The following HIVEP2 variants were observed in gnomAD, a reference collection of about 807,000 sequenced individuals.
HIVEP2 encodes transcription factor HIVEP2.
In HIVEP2, 14 loss-of-function variants were observed where a neutral mutation model predicts 180.7. That is an observed-to-expected ratio of 0.08 (90% CI 0.05 to 0.12). The LOEUF is 0.12. Ranked by LOEUF, HIVEP2 falls within the 10% of genes least tolerant of loss-of-function variation. The probability of loss-of-function intolerance (pLI) is 1.00; values close to 1 mark genes in which losing one functional copy is unlikely to be tolerated. For missense variants in HIVEP2, 2,579 were observed against 3,008.5 expected, an observed-to-expected ratio of 0.86 and a Z score of 3.34; for synonymous variants, 1,184 against 1,136.4, an observed-to-expected ratio of 1.04 and a Z score of -0.84.
intron 9 of HIVEP2, 42 bp downstream of exon 9, chr6:142,759,730 G>A (rs1406216994): frequency 1.3e-6 from 2 of 1,495,204 alleles, no homozygotes; most frequent in African/African-American, 2.8e-5. Flanking sequence ...GGACCAATGT[G>A]CTTCCACTTA....
intron 2 of HIVEP2, among the ~76,000 whole-genome samples, chr6:142,820,076 G>A (rs1183856871): frequency 6.6e-6 from 1 of 152,090 alleles, no homozygotes; most frequent in African/African-American, 2.4e-5. Context: ...ATTTCCTGTG[G>A]GGAACATACA....
At chr6:142,831,712 G>A (rs1775087066) in intron 2 of HIVEP2, among the ~76,000 whole-genome samples, 1 of 152,196 alleles carries the variant, frequency 6.6e-6, no homozygotes, top group African/African-American at 2.4e-5. Flanking sequence ...GTTCTGCTGT[G>A]TGGGGAAGGG....
At chr6:142,830,065 G>A (rs1775035071) in intron 2 of HIVEP2, among the ~76,000 whole-genome samples, 1 of 152,160 alleles carries the variant, frequency 6.6e-6, no homozygotes, top group African/African-American at 2.4e-5. Flanking sequence ...AGTGGATGGG[G>A]ATGGGAAAGA....
At chr6:142,881,595 G>A (rs1004245788) in intron 1 of HIVEP2, among the ~76,000 whole-genome samples, 1 of 152,140 alleles carries the variant, frequency 6.6e-6, no homozygotes, top group Non-Finnish European at 1.5e-5. Context: ...TCTGTCATCT[G>A]TATTCGAAAA....
chr6:142,903,219 A>G (rs1487091629), intron 1 of HIVEP2, among the ~76,000 whole-genome samples: 2 of 152,230 alleles, frequency 1.3e-5, no homozygotes, highest in Non-Finnish European at 2.9e-5. Flanking sequence ...GTGAAAATAA[A>G]ATGTTTTCTG....
intron 1 of HIVEP2, among the ~76,000 whole-genome samples, chr6:142,888,485 T>C (rs898352331): frequency 1.3e-5 from 2 of 152,230 alleles, no homozygotes; most frequent in African/African-American, 2.4e-5. Flanking sequence ...CCTCATTGTT[T>C]AATAGTGACA....
intron 2 of HIVEP2, among the ~76,000 whole-genome samples, chr6:142,813,337 A>C (rs545537065): frequency 1.4e-4 from 22 of 152,144 alleles, no homozygotes; most frequent in Non-Finnish European, 3.1e-4. Context: ...GTTTCTGACT[A>C]TCTTTTGTTT....
intron 1 of HIVEP2, among the ~76,000 whole-genome samples, chr6:142,847,566 G>A (rs1582909698): frequency 6.6e-6 from 1 of 152,066 alleles, no homozygotes; most frequent in South Asian, 2.1e-4. Flanking sequence ...GCAGGACTTC[G>A]GTGCCTGATG....
At chr6:142,810,693 T>C (rs1223157614) in intron 2 of HIVEP2, among the ~76,000 whole-genome samples, 1 of 139,448 alleles carries the variant, frequency 7.2e-6, no homozygotes, top group Non-Finnish European at 1.5e-5. Context: ...ACCCGGAAGG[T>C]GGAGGTTGCA....
At chr6:142,884,327 A>T (rs11155267) in intron 1 of HIVEP2, among the ~76,000 whole-genome samples, 26,228 of 152,058 alleles carry the variant, frequency 0.17, 2,772 homozygotes, top group East Asian at 0.41. Context: ...AAGGAATAAA[A>T]CTTGGTAAGC....
At position 142,773,734 on chromosome 6, in the gene HIVEP2, A is replaced by T. The variant is rs982786003; in HGVS notation, c.1005T>A (p.Ile335=). 6.2e-7 allele frequency: 1 copy of T among 1,613,938 alleles called. No individual in the cohort carries two copies. Among genetic ancestry groups the T allele is most frequent in the Non-Finnish European group, 8.5e-7 (1 of 1,179,990 alleles). ...VPILIIPKSG[I]PLPNESSQYI... ...ACTGAGAGCTTTCATTAGGGAGAGG[A>T]ATCCCACTTTTAGGGATAATCAAAA... The change falls in exon 5 of 10, where the codon ATT becomes ATA. Residue 335 remains isoleucine, a synonymous_variant. Coordinates refer to ENST00000367603, the MANE Select transcript of HIVEP2 (RefSeq NM_006734.4).
At chr6:142,907,308 C>T (rs779773605) in intron 1 of HIVEP2, among the ~76,000 whole-genome samples, 13 of 152,134 alleles carry the variant, frequency 8.5e-5, no homozygotes, top group South Asian at 2.1e-4. Flanking sequence ...AACCACCTGA[C>T]GAAAACCAAA....
intron 1 of HIVEP2, among the ~76,000 whole-genome samples, chr6:142,917,820 G>A (rs963224832): frequency 1.9e-4 from 29 of 151,932 alleles, no homozygotes; most frequent in African/African-American, 7.0e-4. Context: ...CTGTTGCCCA[G>A]GCTACAGCGC....
chr6:142,756,386 C>A (rs545166374), intron 9 of HIVEP2, among the ~76,000 whole-genome samples: 2 of 152,214 alleles, frequency 1.3e-5, no homozygotes, highest in Admixed American at 1.3e-4. Context: ...GCTGACATGC[C>A]AGCAGGAGGC....
chr6:142,797,550 C>T (rs1018938366), intron 2 of HIVEP2, among the ~76,000 whole-genome samples: 2 of 152,062 alleles, frequency 1.3e-5, no homozygotes, highest in East Asian at 1.9e-4. Flanking sequence ...GTGCTTGGGG[C>T]GCCCAGATAG....
At chr6:142,797,812 G>A (rs894002571) in intron 2 of HIVEP2, among the ~76,000 whole-genome samples, 1 of 152,032 alleles carries the variant, frequency 6.6e-6, no homozygotes, top group Admixed American at 6.6e-5. Flanking sequence ...ATGCACAGAA[G>A]AAATCATAGT....
intron 1 of HIVEP2, among the ~76,000 whole-genome samples, chr6:142,850,377 G>A (rs982442731): frequency 6.6e-6 from 1 of 152,110 alleles, no homozygotes; most frequent in Non-Finnish European, 1.5e-5. Context: ...TAATGATTTG[G>A]GGAGTCTTTA....
chr6:142,809,835 C>T (rs951815568), intron 2 of HIVEP2, among the ~76,000 whole-genome samples: 6 of 152,114 alleles, frequency 3.9e-5, no homozygotes, highest in African/African-American at 1.4e-4. Context: ...CTCAAGTGAT[C>T]CACCTGCCAC....
chr6:142,762,455 C>T (rs1470507959), intron 7 of HIVEP2, among the ~76,000 whole-genome samples: 2 of 20,982 alleles, frequency 9.5e-5, no homozygotes, highest in Non-Finnish European at 1.5e-4. Flanking sequence ...GAAGAATGCA[C>T]ACACACACAC....
Sources: allele counts gnomAD v4.1 joint callset (sites outside exome capture counted in the v4.1 genomes callset), GRCh38; gene constraint gnomAD v4.1.1; transcripts MANE v1.5; gene names NCBI Gene and HGNC (gene_info 2026-07-23, HGNC 2026-07-21).